Variants in ABL2 observed in about 807,000 individuals in gnomAD.
ABL2 encodes the protein ABL proto-oncogene 2, non-receptor tyrosine kinase, also known as tyrosine-protein kinase ABL2.
A neutral mutation model predicts 107.7 loss-of-function variants in ABL2; 49 were observed. The observed-to-expected ratio is 0.45, with a 90% CI of 0.36 to 0.58. The LOEUF (loss-of-function observed/expected upper bound fraction) is 0.58. Ranked by LOEUF, ABL2 falls within the 20% of genes least tolerant of loss-of-function variation. ABL2 has a pLI of 0.00. For synonymous variants in ABL2, 549 were observed against 548.6 expected (o/e 1.00, Z -0.01); for missense variants, 1,245 against 1,457.0 (o/e 0.85, Z 2.37).
chr1:179,129,681 CAA>C (rs1355294639), intron 3 of ABL2, among the ~76,000 whole-genome samples: 28 of 67,910 alleles, frequency 4.1e-4, no homozygotes, highest in Admixed American at 8.4e-4. Flanking sequence ...GACTCTGTCT[CAA>C]AAAAAAAAAA....
At chr1:179,158,971 ATTAAT>A (rs879351789) in intron 1 of ABL2, among the ~76,000 whole-genome samples, 18 of 152,348 alleles carry the variant, frequency 1.2e-4, no homozygotes, top group Admixed American at 9.1e-4. Context: ...GCAATATGAA[ATTAAT>A]TTAATTATAA....
chr1:179,168,726 T>A (rs1204620179), intron 1 of ABL2, among the ~76,000 whole-genome samples: 2 of 152,176 alleles, frequency 1.3e-5, no homozygotes, highest in African/African-American at 4.8e-5. Flanking sequence ...CCTCGTGCTA[T>A]CCCTTTAGAG....
In ABL2 at chr1:179,121,781, T is replaced by C; in HGVS notation, c.774A>G (p.Thr258=). 6.2e-7 allele frequency: 1 copy of C among 1,614,132 alleles called. No individual in the cohort carries two copies. The highest frequency in any genetic ancestry group is 1.6e-4 in the Middle Eastern group (1 of 6,062). The part of the protein sequence containing the change: ...HSTVADGLVT[T]LHYPAPKCNK... Reference sequence around the variant, plus strand: ...TACACTTGGGTGCTGGGTAGTGTAATGTTGTCACCAGCCCATCAGCCACTG... The same window carrying C: ...TACACTTGGGTGCTGGGTAGTGTAACGTTGTCACCAGCCCATCAGCCACTG... The change falls in exon 5 of 12, where the codon ACA becomes ACG. Residue 258 remains threonine, a synonymous_variant. Coordinates refer to ENST00000502732, the MANE Select transcript of ABL2 (RefSeq NM_007314.4).
chr1:179,191,587 A>T (rs889909596), intron 1 of ABL2, among the ~76,000 whole-genome samples: 1 of 151,480 alleles, frequency 6.6e-6, no homozygotes, highest in Non-Finnish European at 1.5e-5. Flanking sequence ...TACCCAGCTA[A>T]TTTTTTGTAT....
Position 179,102,709 on chromosome 1 carries a change from A to T in ABL2, c.*5009T>A, listed in dbSNP as rs1367328397. 1 of 230,576 alleles carries T rather than the reference A, an allele frequency of 4.3e-6. No individual in the cohort carries two copies. Among genetic ancestry groups the T allele is most frequent in the African/African-American group, 2.2e-5 (1 of 45,240 alleles). 14.3% of individuals were successfully genotyped at this position (230,576 alleles called of 1,614,324 possible). A position where few individuals can be genotyped will look rare whatever the true frequency, so the allele number is the denominator to read the frequency against. ...GGGGCACAGCCTGATAACAAGAATG[A>T]CATCAGTAGCAAAATGGAAGGGAGC... On this transcript the variant is annotated 3_prime_UTR_variant, in exon 12 of 12. Coordinates refer to ENST00000502732, the MANE Select transcript of ABL2 (RefSeq NM_007314.4).
At chr1:179,160,759 C>T (rs942448312) in intron 1 of ABL2, among the ~76,000 whole-genome samples, 93 of 152,216 alleles carry the variant, frequency 6.1e-4, no homozygotes, top group African/African-American at 2.2e-3. Context: ...GTTTTTCAAC[C>T]ATGACACTAT....
chr1:179,109,279 G>A lies in ABL2; in HGVS notation c.1988C>T (p.Pro663Leu), dbSNP rs753332774. ...GGAGCTGCTGCGTTTGGGGGGTGTA[G>A]GAGCATTTCTCTTCTTCATGAAGGA... Reference protein sequence around the residue: ...FSSFMKKRNAPTPPKRSSSFR... With the variant: ...FSSFMKKRNALTPPKRSSSFR... Residue 663 changes from proline to leucine, a missense_variant, in exon 12 of 12, where the codon CCT becomes CTT. By Grantham distance (98) the Pro-to-Leu change is moderately conservative (BLOSUM62 -3). This residue lies in a region of ABL2 where 761 missense variants were observed against 766.4 expected (regional missense o/e 0.99). Transcript: ENST00000502732. 1 of 1,614,122 alleles carries A rather than the reference G, an allele frequency of 6.2e-7. No homozygotes were observed. Among genetic ancestry groups the A allele is most frequent in the South Asian group, 1.1e-5 (1 of 91,076 alleles).
chr1:179,226,310 CTTT>C (rs745831850), intron 1 of ABL2, among the ~76,000 whole-genome samples: 9 of 131,006 alleles, frequency 6.9e-5, no homozygotes, highest in Non-Finnish European at 9.8e-5. Context: ...ATTATCCCTA[CTTT>C]TTTTTTTTTT....
Position 179,109,859 on chromosome 1 carries a change from C to T in ABL2, c.1826-418G>A, listed in dbSNP as rs1034238491. ...AGGAGAATGGCGTGAACCCAGAAGG[C>T]GGAGCTTGCAGTGAGCCGAGATCGC... On this transcript the variant is annotated intron_variant, in intron 11 of 11. Transcript: ENST00000502732. Among the ~76,000 whole-genome samples, 6 of 149,912 alleles carry T rather than the reference C, an allele frequency of 4.0e-5. No homozygotes were observed. In the East Asian group the frequency reaches 5.9e-4, roughly 15 times the overall value.
At position 179,135,304 on chromosome 1, in the gene ABL2, G is replaced by A. The variant is rs551102633; in HGVS notation, c.158-1930C>T. Reference sequence around the variant, plus strand: ...AAGTGAGGAGCGCCTCTTCCCGGCCGCCATCACATCTGGGAAGTGAGGAGC... The same window carrying A: ...AAGTGAGGAGCGCCTCTTCCCGGCCACCATCACATCTGGGAAGTGAGGAGC... On this transcript the variant is annotated intron_variant, in intron 1 of 11. Coordinates refer to ENST00000502732, the MANE Select transcript of ABL2 (RefSeq NM_007314.4). Among the ~76,000 whole-genome samples, 276 of 146,882 alleles carry A rather than the reference G, an allele frequency of 1.9e-3. 6 individuals are homozygous for A. Among genetic ancestry groups the A allele is most frequent in the Non-Finnish European group, 2.1e-4 (14 of 67,888 alleles).
intron 1 of ABL2, chr1:179,201,798 C>A: frequency 3.1e-6 from 3 of 967,498 alleles, no homozygotes; most frequent in Non-Finnish European, 4.6e-6. Flanking sequence ...TTGAGGTGGA[C>A]AGTTTGGCCA....
chr1:179,228,977 G>A (rs567917362), intron 1 of ABL2, among the ~76,000 whole-genome samples: 10 of 152,108 alleles, frequency 6.6e-5, no homozygotes, highest in Non-Finnish European at 1.5e-4. Context: ...TCCCGTCCCA[G>A]AGTAGAGGAC....
intron 1 of ABL2, among the ~76,000 whole-genome samples, chr1:179,196,318 G>GT (rs1423759380): frequency 6.6e-6 from 1 of 152,112 alleles, no homozygotes; most frequent in Non-Finnish European, 1.5e-5. Context: ...ATTGAAATTT[G>GT]TATCTTTTTT....
At chr1:179,173,630 G>A (rs561423874) in intron 1 of ABL2, among the ~76,000 whole-genome samples, 1 of 152,206 alleles carries the variant, frequency 6.6e-6, no homozygotes, top group South Asian at 2.1e-4. Flanking sequence ...GATTACAAGT[G>A]AGAGCCACCA....
intron 5 of ABL2, among the ~76,000 whole-genome samples, chr1:179,121,342 C>T (rs1303905512): frequency 6.6e-6 from 1 of 152,098 alleles, no homozygotes; most frequent in Non-Finnish European, 1.5e-5. Flanking sequence ...TTGCTTCTAA[C>T]CTCCCACTAA....
intron 1 of ABL2, among the ~76,000 whole-genome samples, chr1:179,167,891 G>T (rs1659483068): frequency 6.6e-6 from 1 of 152,122 alleles, no homozygotes; most frequent in African/African-American, 2.4e-5. Context: ...TGAGGCAGGA[G>T]AAACTTTAAC....
chr1:179,185,001 TG>T (rs1660601880), intron 1 of ABL2, among the ~76,000 whole-genome samples: 1 of 152,214 alleles, frequency 6.6e-6, no homozygotes, highest in South Asian at 2.1e-4. Context: ...TTCACTCTGC[TG>T]GAAGCTGGAG....
At chr1:179,135,835 G>C (rs1382386172) in intron 1 of ABL2, among the ~76,000 whole-genome samples, 8 of 147,646 alleles carry the variant, frequency 5.4e-5, no homozygotes, top group African/African-American at 1.5e-4. Context: ...AGGTGGGGGG[G>C]TCAGCCCCCA....
chr1:179,144,207 C>A (rs944942718), intron 1 of ABL2, among the ~76,000 whole-genome samples: 1 of 151,994 alleles, frequency 6.6e-6, no homozygotes, highest in Non-Finnish European at 1.5e-5. Context: ...CCTGTAATCC[C>A]AGCACTTTGG....
Sources: allele counts gnomAD v4.1 joint callset (sites outside exome capture counted in the v4.1 genomes callset), GRCh38; gene constraint gnomAD v4.1.1; regional missense constraint gnomAD v4.1.1; transcripts MANE v1.5; gene names NCBI Gene and HGNC (gene_info 2026-07-23, HGNC 2026-07-21).